The following TUFT1 variants were observed in gnomAD, a reference collection of about 807,000 sequenced individuals.
The protein encoded by TUFT1 is tuftelin.
TUFT1 carries 43 observed loss-of-function variants against 57.8 expected under a neutral mutation model. The observed-to-expected ratio is 0.74, with a 90% CI of 0.58 to 0.96. The LOEUF (loss-of-function observed/expected upper bound fraction) is 0.96, where lower values mean the gene tolerates loss of function less well. Among genes scored for constraint, TUFT1 ranks in the 40% least tolerant of loss-of-function variants. TUFT1 has a pLI of 0.00. For synonymous variants in TUFT1, 166 were observed against 176.7 expected, an observed-to-expected ratio of 0.94 and a Z score of 0.48; for missense variants, 459 against 489.0, an observed-to-expected ratio of 0.94 and a Z score of 0.58.
At chr1:151,559,836 C>T (rs1403478938) in intron 1 of TUFT1, among the ~76,000 whole-genome samples, 1 of 151,988 alleles carries the variant, frequency 6.6e-6, no homozygotes, top group Non-Finnish European at 1.5e-5. Context: ...CTCTGTCGTC[C>T]AGGCTGGAGT....
At chr1:151,556,009 C>A (rs183838941) in intron 1 of TUFT1, among the ~76,000 whole-genome samples, 4 of 152,086 alleles carry the variant, frequency 2.6e-5, no homozygotes, top group African/African-American at 4.8e-5. Context: ...CCTCCTCCCC[C>A]CCACTTTCTT....
intron 1 of TUFT1, among the ~76,000 whole-genome samples, chr1:151,560,797 T>C (rs186983934): frequency 1.4e-3 from 220 of 152,348 alleles, no homozygotes; most frequent in African/African-American, 5.2e-3. Context: ...CAGAGATCCA[T>C]AGTGGCTAAG....
intron 11 of TUFT1, 85 bp from the exon 12 acceptor site, chr1:151,580,857 G>A (rs1232386021): frequency 1.6e-6 from 2 of 1,212,488 alleles, no homozygotes; most frequent in East Asian, 2.3e-5. Context: ...ATAAACACAG[G>A]CAGAGAGACC....
rs568391035 is a variant in TUFT1, at chr1:151,546,223, G to T, written c.60+5797G>T. Among the ~76,000 whole-genome samples the T allele has an allele frequency of 2.0e-5, 3 of 151,990 alleles. No homozygotes were observed. The East Asian group carries it at 5.8e-4, about 29-fold the overall frequency. ...TGCAATCTGAAGACTTGTCTTTACTGTGGAATAGGTGACATTCCTTTAGGA... is the reference window on the plus strand; with the variant it reads ...TGCAATCTGAAGACTTGTCTTTACTTTGGAATAGGTGACATTCCTTTAGGA... On this transcript the variant is annotated intron_variant, in intron 1 of 12. Coordinates refer to ENST00000368849, the MANE Select transcript of TUFT1 (RefSeq NM_020127.3).
chr1:151,573,467 C>T (rs1292500373), intron 7 of TUFT1, among the ~76,000 whole-genome samples: 1 of 152,146 alleles, frequency 6.6e-6, no homozygotes, highest in Non-Finnish European at 1.5e-5. Context: ...TTTCTCATCT[C>T]TGATAAAAGG....
chr1:151,546,435 T>C (rs764725067), intron 1 of TUFT1, among the ~76,000 whole-genome samples: 1 of 152,218 alleles, frequency 6.6e-6, no homozygotes, highest in African/African-American at 2.4e-5. Flanking sequence ...TTTAGTACAT[T>C]CACAGAGTTG....
chr1:151,558,026 T>G (rs2102531446), intron 1 of TUFT1: 1 of 406,046 alleles, frequency 2.5e-6, no homozygotes, highest in Non-Finnish European at 4.7e-6. Flanking sequence ...GGGAAGGAAA[T>G]CTTGTTGTAT....
intron 1 of TUFT1, chr1:151,545,974 A>G: frequency 6.1e-6 from 2 of 325,390 alleles, no homozygotes; most frequent in Non-Finnish European, 6.5e-6. Context: ...TATCAGTTTT[A>G]TCTTTCTTTC....
chr1:151,573,019 C>T (rs1437077605), intron 7 of TUFT1, among the ~76,000 whole-genome samples: 1 of 152,214 alleles, frequency 6.6e-6, no homozygotes, highest in Non-Finnish European at 1.5e-5. Context: ...CACTGGCTGT[C>T]ATTCACTAGC....
intron 1 of TUFT1, among the ~76,000 whole-genome samples, chr1:151,560,542 C>T (rs1407470163): frequency 6.6e-6 from 1 of 152,192 alleles, no homozygotes; most frequent in African/African-American, 2.4e-5. Flanking sequence ...CTTCTCTAGA[C>T]ATTTGGAAGG....
At chr1:151,564,675 C>G (rs999769091) in intron 5 of TUFT1, 61 bp downstream of exon 5, 7 of 1,386,522 alleles carry the variant, frequency 5.0e-6, no homozygotes, top group Non-Finnish European at 7.2e-6. Flanking sequence ...GCCAGGCAGT[C>G]TCATTTACCA....
intron 1 of TUFT1, among the ~76,000 whole-genome samples, chr1:151,548,305 C>CTTTTTTTTTTTT (rs11435666): frequency 7.7e-6 from 1 of 130,582 alleles, no homozygotes; most frequent in East Asian, 2.2e-4. Flanking sequence ...TTTTTCTTTT[C>CTTTTTTTTTTTT]TTTTTTTTTT....
intron 7 of TUFT1, among the ~76,000 whole-genome samples, chr1:151,572,319 G>A (rs906529615): frequency 2.6e-5 from 4 of 152,032 alleles, no homozygotes; most frequent in South Asian, 2.1e-4. Context: ...GTTCCCTTGC[G>A]GGCAGGGTTG....
At chr1:151,581,092 A>AGG (rs1666634673) in intron 12 of TUFT1, 50 bp downstream of exon 12, 1 of 1,530,606 alleles carries the variant, frequency 6.5e-7, no homozygotes, top group East Asian at 2.2e-5. Flanking sequence ...GGGGAGAAGG[A>AGG]GGGACAGAGC....
chr1:151,557,755 A>G (rs1665753321), intron 1 of TUFT1: 1 of 773,942 alleles, frequency 1.3e-6, no homozygotes, highest in Non-Finnish European at 2.4e-6. Context: ...GGAAGTCCTC[A>G]GCCTAAAGGT....
At chr1:151,569,302 C>G (rs781650104) in intron 6 of TUFT1, among the ~76,000 whole-genome samples, 1 of 152,164 alleles carries the variant, frequency 6.6e-6, no homozygotes, top group African/African-American at 2.4e-5. Context: ...TCTCTGCTCT[C>G]AGAGAGCTGT....
chr1:151,579,735 G>A lies in TUFT1; in HGVS notation c.1008+3G>A. ...AAATCGCCTATCTGGAGGCAGAGGT[G>A]TGTGTGCTGGGCAGCCCAGCAGGGG... On this transcript the variant is annotated splice_donor_region_variant and intron_variant, in intron 11 of 12. Transcript: ENST00000368849. The A allele has an allele frequency of 6.2e-7, 1 of 1,613,226 alleles. No individual in the cohort carries two copies. The highest frequency in any genetic ancestry group is 8.5e-7 in the Non-Finnish European group (1 of 1,179,646).
intron 1 of TUFT1, chr1:151,557,584 G>C (rs1335733075): frequency 9.1e-7 from 1 of 1,097,958 alleles, no homozygotes; most frequent in Non-Finnish European, 1.4e-6. Flanking sequence ...TGTCATGAAG[G>C]CCATGCAGCC....
At chr1:151,575,324 G>T (rs1666429537) in intron 9 of TUFT1, among the ~76,000 whole-genome samples, 1 of 152,190 alleles carries the variant, frequency 6.6e-6, no homozygotes, top group Non-Finnish European at 1.5e-5. Flanking sequence ...ACAGATTAGT[G>T]CAGTGGATAT....
Sources: allele counts gnomAD v4.1 joint callset (sites outside exome capture counted in the v4.1 genomes callset), GRCh38; gene constraint gnomAD v4.1.1; transcripts MANE v1.5; gene names NCBI Gene and HGNC (gene_info 2026-07-23, HGNC 2026-07-21).